The following TTPA variants were observed in gnomAD, a reference collection of about 807,000 sequenced individuals.
TTPA encodes alpha tocopherol transfer protein.
In TTPA, 23 loss-of-function variants were observed where a neutral mutation model predicts 25.9. That is an observed-to-expected ratio of 0.89 (90% CI 0.64 to 1.26). The LOEUF is 1.26. Ranked by LOEUF, TTPA falls within the 50% of genes most tolerant of loss-of-function variation. The pLI is 0.00. For synonymous variants in TTPA, 148 were observed against 137.3 expected (o/e 1.08, Z -0.54); for missense variants, 337 against 353.1 (o/e 0.95, Z 0.37).
At chr8:63,064,455 C>A (rs1164821864) in intron 3 of TTPA, 139 bp from the exon 4 acceptor site, 4 of 643,998 alleles carry the variant, frequency 6.2e-6, no homozygotes, top group Non-Finnish European at 8.0e-6. Context: ...ATTATTTATT[C>A]CATCAGCACA....
Position 63,065,963 on chromosome 8 carries a change from A to G in TTPA, c.493T>C (p.Phe165Leu), listed in dbSNP as rs1200100799. ...KAIFDLEGWQ[F>L]SHAFQITPSV... The stretch of plus-strand genomic sequence containing the variant: ...GGAGTGATTTGAAAAGCATGAGAAA[A>G]CTGCCAACCTTCCAGATCAAAGATA... The change falls in exon 3 of 5, where the codon TTT (phenylalanine) becomes CTT (leucine). Residue 165 changes from phenylalanine to leucine, a missense_variant. Physicochemically the swap from Phe to Leu is conservative, Grantham distance 22. Coordinates refer to ENST00000260116, the MANE Select transcript of TTPA (RefSeq NM_000370.3). 1 of 1,613,954 alleles carries G rather than the reference A, an allele frequency of 6.2e-7. No individual in the cohort carries two copies. The highest frequency in any genetic ancestry group is 8.5e-7 in the Non-Finnish European group (1 of 1,179,996).
chr8:63,072,841 A>G (rs1805502982), intron 2 of TTPA, 94 bp downstream of exon 2: 4 of 1,458,942 alleles, frequency 2.7e-6, no homozygotes, highest in Non-Finnish European at 3.8e-6. Flanking sequence ...ATGGTATTCA[A>G]GGAAGAAATG....
chr8:63,084,354 G>T (rs1002197601), intron 1 of TTPA, among the ~76,000 whole-genome samples: 3 of 152,238 alleles, frequency 2.0e-5, no homozygotes, highest in African/African-American at 7.2e-5. Flanking sequence ...AGTGATGGAA[G>T]AAACCACAGC....
chr8:63,085,741 A>G (rs1195412400), intron 1 of TTPA, 77 bp downstream of exon 1: 3 of 1,480,808 alleles, frequency 2.0e-6, no homozygotes, highest in African/African-American at 2.9e-5. Context: ...GGCAGGGGTC[A>G]GATATCCGGG....
chr8:63,085,686 T>G, intron 1 of TTPA, 132 bp downstream of exon 1: 1 of 1,109,786 alleles, frequency 9.0e-7, no homozygotes, highest in East Asian at 2.9e-5. Context: ...GCCGGGTGGT[T>G]AGGGGCGCGT....
chr8:63,065,810 CA>C, intron 3 of TTPA, 93 bp downstream of exon 3: 2 of 1,334,920 alleles, frequency 1.5e-6, no homozygotes, highest in Non-Finnish European at 2.1e-6. Flanking sequence ...AAATTTCTAA[CA>C]AATGTACTTT....
At chr8:63,079,758 CAAT>C (rs1361968839) in intron 1 of TTPA, among the ~76,000 whole-genome samples, 1 of 152,126 alleles carries the variant, frequency 6.6e-6, no homozygotes, top group African/African-American at 2.4e-5. Flanking sequence ...TTAGACAGAT[CAAT>C]GAGACAGAAG....
chr8:63,066,201 A>T, intron 2 of TTPA, 104 bp from the exon 3 acceptor site: 1 of 1,168,658 alleles, frequency 8.6e-7, no homozygotes, highest in South Asian at 1.3e-5. Context: ...AGTTGAAATA[A>T]AAACATCTAC....
At chr8:63,061,557 C>G in intron 4 of TTPA, 132 bp from the exon 5 acceptor site, 1 of 752,368 alleles carries the variant, frequency 1.3e-6, no homozygotes, top group Non-Finnish European at 2.2e-6. Context: ...TCCTTTATTC[C>G]TCTGGTTATG....
chr8:63,072,674 G>GA (rs1479736688), intron 2 of TTPA, among the ~76,000 whole-genome samples: 3 of 152,128 alleles, frequency 2.0e-5, no homozygotes. Flanking sequence ...TGGAAGAATG[G>GA]AACTAGGATT....
intron 1 of TTPA, among the ~76,000 whole-genome samples, chr8:63,074,772 T>C (rs142451275): frequency 1.1e-3 from 171 of 152,182 alleles, no homozygotes; most frequent in African/African-American, 4.1e-3. Flanking sequence ...AGTAACTATA[T>C]AGAAATAATG....
chr8:63,061,442 A>G lies in TTPA; in HGVS notation c.664-17T>C, dbSNP rs1362739389. 3.7e-6 allele frequency: 6 copies of G among 1,613,308 alleles called. No individual in the cohort carries two copies. The highest frequency in any genetic ancestry group is 5.1e-6 in the Non-Finnish European group (6 of 1,179,648). ...CATGTGAATCTGAAATAGCCAAAAC[A>G]CTTTAGAAGGAAACCGCATTAGATG... On this transcript the variant is annotated splice_polypyrimidine_tract_variant and intron_variant, in intron 4 of 4. Transcript: ENST00000260116.
At chr8:63,067,829 AG>A (rs1442225242) in intron 2 of TTPA, among the ~76,000 whole-genome samples, 1 of 151,984 alleles carries the variant, frequency 6.6e-6, no homozygotes. Context: ...ATAAACACCC[AG>A]TGTTTAGCTC....
intron 1 of TTPA, among the ~76,000 whole-genome samples, chr8:63,078,091 G>T (rs1805601046): frequency 6.6e-6 from 1 of 152,038 alleles, no homozygotes; most frequent in South Asian, 2.1e-4. Flanking sequence ...GCAGCTGAGA[G>T]ACCTGACTGT....
At chr8:63,077,011 C>T (rs72659825) in intron 1 of TTPA, among the ~76,000 whole-genome samples, 10,289 of 151,690 alleles carry the variant, frequency 0.068, 639 homozygotes, top group African/African-American at 0.16. Context: ...AACCCAGAGG[C>T]AATCAAAGAC....
At chr8:63,071,887 G>A (rs997809355) in intron 2 of TTPA, among the ~76,000 whole-genome samples, 2 of 152,106 alleles carry the variant, frequency 1.3e-5, no homozygotes, top group Admixed American at 6.6e-5. Flanking sequence ...GTTTTTATAA[G>A]TCACCCAGTC....
chr8:63,066,314 T>C (rs904570950), intron 2 of TTPA, among the ~76,000 whole-genome samples: 4 of 152,220 alleles, frequency 2.6e-5, no homozygotes, highest in Non-Finnish European at 4.4e-5. Context: ...TTAAAGAGTA[T>C]TGCGGAAAAA....
chr8:63,080,262 T>C (rs1805638785), intron 1 of TTPA, among the ~76,000 whole-genome samples: 1 of 151,844 alleles, frequency 6.6e-6, no homozygotes, highest in African/African-American at 2.4e-5. Flanking sequence ...TTAAAAGAAA[T>C]AGAGAAGCAA....
intron 2 of TTPA, among the ~76,000 whole-genome samples, chr8:63,071,685 G>A (rs1349933704): frequency 6.6e-6 from 1 of 152,112 alleles, no homozygotes; most frequent in African/African-American, 2.4e-5. Flanking sequence ...GAGGTCATGA[G>A]GATGGAACCC....
Sources: allele counts gnomAD v4.1 joint callset (sites outside exome capture counted in the v4.1 genomes callset), GRCh38; gene constraint gnomAD v4.1.1; transcripts MANE v1.5; gene names NCBI Gene and HGNC (gene_info 2026-07-23, HGNC 2026-07-21).